The following PACSIN3 variants were observed in gnomAD, a reference collection of about 807,000 sequenced individuals.
PACSIN3 encodes protein kinase C and casein kinase substrate in neurons 3, also known as protein kinase C and casein kinase substrate in neurons protein 3.
In PACSIN3, 34 loss-of-function variants were observed where a neutral mutation model predicts 56.1. The ratio of observed to expected loss-of-function variants is 0.61; its 90% CI spans 0.46 to 0.81. PACSIN3 has a LOEUF of 0.81. Among genes scored for constraint, PACSIN3 ranks in the 30% least tolerant of loss-of-function variants. The probability of loss-of-function intolerance (pLI) is 0.00; values close to 1 mark genes in which losing one functional copy is unlikely to be tolerated. For synonymous variants in PACSIN3, 218 were observed against 229.8 expected, an observed-to-expected ratio of 0.95 and a Z score of 0.46; for missense variants, 535 against 592.4, an observed-to-expected ratio of 0.90 and a Z score of 1.01.
Position 47,179,340 on chromosome 11 carries a change from G to T in PACSIN3, c.780-61C>A. 1 of 1,613,408 alleles carries T rather than the reference G, an allele frequency of 6.2e-7. No individual in the cohort carries two copies. The highest frequency in any genetic ancestry group is 1.7e-5 in the Admixed American group (1 of 60,012). On this transcript the variant is annotated intron_variant, in intron 7 of 10. Coordinates refer to ENST00000298838, the MANE Select transcript of PACSIN3 (RefSeq NM_016223.5). The surrounding 1 kb of genome is among the most constrained non-coding windows in gnomAD (Gnocchi z 4.4). ...CTAGACCCTGCATCCCTCAGTCCCA[G>T]CCAGGGCCTCGGGGAGATGGAGGAG...
chr11:47,178,525 A>C lies in PACSIN3; in HGVS notation c.1038-38T>G, dbSNP rs1952940020. The C allele has an allele frequency of 1.2e-6, 2 of 1,606,356 alleles. No homozygotes were observed. The highest frequency in any genetic ancestry group is 4.5e-5 in the East Asian group (2 of 44,788). On this transcript the variant is annotated intron_variant, in intron 9 of 10. Coordinates refer to ENST00000298838, the MANE Select transcript of PACSIN3 (RefSeq NM_016223.5). This position sits in a 1 kb window ranked among gnomAD's most constrained non-coding sequence, Gnocchi z 4.2. ...GGCAAAGGGAGCAGCTCAGAGTGCA[A>C]GGAACACGGGGCTGGAGATCTCACC... is the stretch of plus-strand genomic sequence containing the variant.
rs1590969752 is a variant in PACSIN3, at chr11:47,178,246, G to A, written c.1159+120C>T. On this transcript the variant is annotated intron_variant, in intron 10 of 10. Coordinates refer to ENST00000298838, the MANE Select transcript of PACSIN3 (RefSeq NM_016223.5). This position sits in a 1 kb window ranked among gnomAD's most constrained non-coding sequence, Gnocchi z 4.2. ...CACCAGGCACCAGCTATCTGGACCT[G>A]GAACAGCTGAAGGGACAGAGGACTG... The A allele has an allele frequency of 7.1e-7, 1 of 1,402,102 alleles. No homozygotes were observed. Among genetic ancestry groups the A allele is most frequent in the African/African-American group, 1.4e-5 (1 of 70,172 alleles). The allele number at this position is 1,402,102 out of a possible 1,614,324, so 86.9% of individuals were successfully genotyped here. A position where few individuals can be genotyped will look rare whatever the true frequency, so the allele number is the denominator to read the frequency against.
In PACSIN3 at chr11:47,179,623, C is replaced by G; in HGVS notation, c.604-37G>C. On this transcript the variant is annotated intron_variant, in intron 6 of 10. Transcript: ENST00000298838. The surrounding 1 kb of genome is among the most constrained non-coding windows in gnomAD (Gnocchi z 4.4). ...AGGAGGGGCCTGGTGAGAACCAGAC[C>G]TTCTTCCACCCAGGACTCCACCAGT... 6.3e-7 allele frequency: 1 copy of G among 1,596,838 alleles called. No homozygotes were observed. Among genetic ancestry groups the G allele is most frequent in the Non-Finnish European group, 8.5e-7 (1 of 1,172,966 alleles).
intron 4 of PACSIN3, 105 bp from the exon 5 acceptor site, chr11:47,180,795 G>T: frequency 1.2e-6 from 1 of 822,716 alleles, no homozygotes; most frequent in South Asian, 1.8e-5. Context: ...CGCGCATGGG[G>T]TGCAAAGGTG....
rs754036225 is a variant in PACSIN3 at position 47,178,533 on chromosome 11, G to A, written c.1038-46C>T. On this transcript the variant is annotated intron_variant, in intron 9 of 10. Coordinates refer to ENST00000298838, the MANE Select transcript of PACSIN3 (RefSeq NM_016223.5). The surrounding 1 kb of genome is among the most constrained non-coding windows in gnomAD (Gnocchi z 4.2). Reference sequence around the variant, plus strand: ...GAGCAGCTCAGAGTGCAAGGAACACGGGGCTGGAGATCTCACCCAGGATCA... The same window carrying A: ...GAGCAGCTCAGAGTGCAAGGAACACAGGGCTGGAGATCTCACCCAGGATCA... The A allele has an allele frequency of 1.6e-4, 258 of 1,595,148 alleles. No individual in the cohort carries two copies. In the Admixed American group the frequency reaches 3.8e-3, roughly 23 times the overall value.
chr11:47,179,355 A>G lies in PACSIN3; in HGVS notation c.779+56T>C, dbSNP rs1413095079. 3.7e-6 allele frequency: 6 copies of G among 1,613,004 alleles called. No homozygotes were observed. The highest frequency in any genetic ancestry group is 1.3e-5 in the African/African-American group (1 of 75,008). ...CTCAGTCCCAGCCAGGGCCTCGGGG[A>G]GATGGAGGAGACCCAGTACTACCCC... is the stretch of plus-strand genomic sequence containing the variant. On this transcript the variant is annotated intron_variant, in intron 7 of 10. Coordinates refer to ENST00000298838, the MANE Select transcript of PACSIN3 (RefSeq NM_016223.5). This position sits in a 1 kb window ranked among gnomAD's most constrained non-coding sequence, Gnocchi z 4.4.
Position 47,178,138 on chromosome 11 carries a change from C to A in PACSIN3, c.1160-92G>T. The A allele has an allele frequency of 7.9e-7, 1 of 1,264,704 alleles. No homozygotes were observed. Among genetic ancestry groups the A allele is most frequent in the Non-Finnish European group, 1.1e-6 (1 of 893,634 alleles). The allele number at this position is 1,264,704 out of a possible 1,614,324, so 78.3% of individuals were successfully genotyped here. On this transcript the variant is annotated intron_variant, in intron 10 of 10. Coordinates refer to ENST00000298838, the MANE Select transcript of PACSIN3 (RefSeq NM_016223.5). This position sits in a 1 kb window ranked among gnomAD's most constrained non-coding sequence, Gnocchi z 4.2. ...AGGACTGAGGGGGATGGTGTGGTCC[C>A]AGAGCCCAGCTAGCAAAGACATGGC... is the stretch of plus-strand genomic sequence containing the variant.
At chr11:47,185,489 G>C (rs1031350913) in intron 1 of PACSIN3, 7 of 152,590 alleles carry the variant, frequency 4.6e-5, no homozygotes, top group African/African-American at 1.4e-4. Context: ...CAGTAGGCTG[G>C]TCCGAAGAGG....
chr11:47,182,981 T>TCCCCCCC (rs368408231), intron 2 of PACSIN3, 23 bp downstream of exon 2: 1 of 407,626 alleles, frequency 2.5e-6, no homozygotes, highest in Admixed American at 4.5e-5. Flanking sequence ...GCTCTGCACT[T>TCCCCCCC]CCCCCCCCGC....
Position 47,178,810 on chromosome 11 carries a change from TGAAA to T in PACSIN3, c.1037+80_1037+83del. 2.0e-6 allele frequency: 3 copies of T among 1,508,518 alleles called. No homozygotes were observed. Among genetic ancestry groups the T allele is most frequent in the Non-Finnish European group, 2.7e-6 (3 of 1,103,896 alleles). 93.4% of individuals were successfully genotyped at this position (1,508,518 alleles called of 1,614,324 possible). Reference sequence around the variant, plus strand: ...ACCAATTTTCAACCCATTTCAGGTGTGAAAGAAATGAAACCAAGGAGAAAGGAAA... The same window carrying T: ...ACCAATTTTCAACCCATTTCAGGTGTGAAATGAAACCAAGGAGAAAGGAAA... On this transcript the variant is annotated intron_variant, in intron 9 of 10. Transcript: ENST00000298838. The surrounding 1 kb of genome is among the most constrained non-coding windows in gnomAD (Gnocchi z 4.2).
At chr11:47,184,526 G>A (rs1590976179) in intron 1 of PACSIN3, 3 of 152,388 alleles carry the variant, frequency 2.0e-5, no homozygotes, top group Admixed American at 2.0e-4. Flanking sequence ...AGTTAAGTGA[G>A]AAAAGAAGCG....
rs756655757 is a variant in PACSIN3 at position 47,179,214 on chromosome 11, C to T, written c.845G>A (p.Arg282His). ...IEAASDEEDL[R>H]WWRSTHGPGM... is the part of the protein sequence containing the mutation. ...TGGCCCGTGGGTGCTGCGCCACCAG[C>T]GCAGATCCTCTTCGTCACTGGCTGC... is the stretch of plus-strand genomic sequence containing the variant. Residue 282 changes from arginine (R) to histidine (H), a missense_variant, in exon 8 of 11, where the codon CGC becomes CAC. Physicochemically the swap from Arg to His is conservative, Grantham distance 29. Transcript: ENST00000298838. The surrounding 1 kb of genome is among the most constrained non-coding windows in gnomAD (Gnocchi z 4.4). The T allele has an allele frequency of 1.9e-6, 3 of 1,613,892 alleles. No individual in the cohort carries two copies. Among genetic ancestry groups the T allele is most frequent in the East Asian group, 4.5e-5 (2 of 44,894 alleles).
In PACSIN3 at chr11:47,180,567, G is replaced by C. The variant is rs890231121; in HGVS notation, c.335C>G (p.Ala112Gly). The change falls in exon 5 of 11, where the codon GCC (alanine) becomes GGC (glycine). Residue 112 changes from alanine to glycine, a missense_variant. Coordinates refer to ENST00000298838, the MANE Select transcript of PACSIN3 (RefSeq NM_016223.5). ...LQGQDSERVR[A>G]WQRGAFHRPV... ...CCGGTGGAAAGCCCCCCGCTGCCAG[G>C]CGCGCACCCGCTCACTGTCCTGCCC... 1.2e-6 allele frequency: 2 copies of C among 1,603,910 alleles called. No homozygotes were observed. Among genetic ancestry groups the C allele is most frequent in the South Asian group, 2.2e-5 (2 of 91,034 alleles).
chr11:47,185,131 GTAA>G (rs1953094969), intron 1 of PACSIN3: 1 of 152,476 alleles, frequency 6.6e-6, no homozygotes, highest in Non-Finnish European at 1.5e-5. Context: ...CAGAAAGCAG[GTAA>G]TGCAATCTTC....
chr11:47,178,864 C>A lies in PACSIN3; in HGVS notation c.1037+30G>T, dbSNP rs746622648. 1 of 1,612,624 alleles carries A rather than the reference C, an allele frequency of 6.2e-7. No homozygotes were observed. Among genetic ancestry groups the A allele is most frequent in the Non-Finnish European group, 8.5e-7 (1 of 1,179,608 alleles). ...AGGAGGGCGGGAGGCAGAGCTGTTT[C>A]TTTGCCACAGCCGCGCTCCTGGCTC... On this transcript the variant is annotated intron_variant, in intron 9 of 10. Coordinates refer to ENST00000298838, the MANE Select transcript of PACSIN3 (RefSeq NM_016223.5). This position sits in a 1 kb window ranked among gnomAD's most constrained non-coding sequence, Gnocchi z 4.2.
At chr11:47,181,782 A>G (rs1389142954) in intron 4 of PACSIN3, among the ~76,000 whole-genome samples, 1 of 152,114 alleles carries the variant, frequency 6.6e-6, no homozygotes, top group Non-Finnish European at 1.5e-5. Context: ...GAGAGGTTGC[A>G]GTGATCCATG....
intron 4 of PACSIN3, among the ~76,000 whole-genome samples, chr11:47,182,075 G>A (rs1833871916): frequency 6.6e-6 from 1 of 151,580 alleles, no homozygotes. Flanking sequence ...CCACTTGAGA[G>A]GCGGAGGTTG....
In PACSIN3 at chr11:47,180,529, C is replaced by T. The variant is rs1172961248; in HGVS notation, c.373G>A (p.Gly125Ser). 9.4e-6 allele frequency: 15 copies of T among 1,603,678 alleles called. No individual in the cohort carries two copies. In the East Asian group the frequency reaches 1.6e-4, roughly 17 times the overall value. Residue 125 changes from glycine (G) to serine (S), a missense_variant, in exon 5 of 11, where the codon GGC (glycine) becomes AGC (serine). Coordinates refer to ENST00000298838, the MANE Select transcript of PACSIN3 (RefSeq NM_016223.5). ...TCGGCCGCCCGGCTCTCGCGGAAGC[C>T]GCCCAGCACAGGCCGGTGGAAAGCC... ...RGAFHRPVLG[G>S]FRESRAAEDG...
In PACSIN3 at chr11:47,180,217, C is replaced by T. The variant is rs1031356878; in HGVS notation, c.572G>A (p.Arg191Gln). 1 of 1,603,618 alleles carries T rather than the reference C, an allele frequency of 6.2e-7. No individual in the cohort carries two copies. The highest frequency in any genetic ancestry group is 2.2e-5 in the East Asian group (1 of 44,878). Residue 191 changes from arginine (R) to glutamine (Q), a missense_variant, in exon 6 of 11, where the codon CGG (arginine) becomes CAG (glutamine). Physicochemically the swap from Arg to Gln is conservative, Grantham distance 43. Coordinates refer to ENST00000298838, the MANE Select transcript of PACSIN3 (RefSeq NM_016223.5). ...SQEQLRKLQE[R>Q]VERCAKEAEK... ...GGCCTCCTTGGCACAGCGTTCCACC[C>T]GTTCCTGCAGTTTGCGCAGCTGCTC...
Sources: allele counts gnomAD v4.1 joint callset (sites outside exome capture counted in the v4.1 genomes callset), GRCh38; gene constraint gnomAD v4.1.1; non-coding constraint Gnocchi (gnomAD v3.1); transcripts MANE v1.5; gene names NCBI Gene and HGNC (gene_info 2026-07-23, HGNC 2026-07-21).